The following C11orf71 variants were observed in gnomAD, a reference collection of about 807,000 sequenced individuals.
C11orf71 encodes uncharacterized protein C11orf71.
For synonymous variants in C11orf71, 72 were observed against 73.4 expected (o/e 0.98, Z 0.09); for missense variants, 179 against 167.6 (o/e 1.07, Z -0.38).
chr11:114,395,140 G>C (rs749873058), downstream of C11orf71, among the ~76,000 whole-genome samples: 2 of 152,118 alleles, frequency 1.3e-5, no homozygotes, highest in African/African-American at 2.4e-5. Flanking sequence ...AGCTTCTACA[G>C]AGGAGAGATA....
intron 1 of C11orf71, among the ~76,000 whole-genome samples, chr11:114,391,961 C>A (rs1376316312): frequency 6.6e-6 from 1 of 150,978 alleles, no homozygotes; most frequent in Non-Finnish European, 1.5e-5. Flanking sequence ...CCAAATTCAG[C>A]ACAACGATTA....
chr11:114,396,218 A>C (rs778630096), downstream of C11orf71, among the ~76,000 whole-genome samples: 9 of 152,284 alleles, frequency 5.9e-5, no homozygotes, highest in Non-Finnish European at 1.3e-4. Flanking sequence ...AGGCAGTAGT[A>C]TGCAAAGATT....
chr11:114,391,525 T>C, exon 2 of C11orf71: 1 of 1,202,738 alleles, frequency 8.3e-7, no homozygotes, highest in Non-Finnish European at 1.1e-6. Flanking sequence ...ATCCAATTTT[T>C]ATCTTAAATA....
At chr11:114,394,257 CTTTTCTTTTCTT>C (rs1565256652), downstream of C11orf71, among the ~76,000 whole-genome samples, 15 of 65,472 alleles carry the variant, frequency 2.3e-4, no homozygotes, top group East Asian at 1.6e-3. Flanking sequence ...CTTTTCTTTT[CTTTTCTTTTCTT>C]TTCTTTTCTT....
Position 114,399,958 on chromosome 11 carries a change from G to T in C11orf71, c.*2C>A, listed in dbSNP as rs370543259. 1 of 1,593,110 alleles carries T rather than the reference G, an allele frequency of 6.3e-7. No homozygotes were observed. Among genetic ancestry groups the T allele is most frequent in the Admixed American group, 1.7e-5 (1 of 58,884 alleles). ...AGTGAGGGCCAGAGGAAAGGTGTTC[G>T]TTTAAACTGAAATTCGAGCTGCGAT... On this transcript the variant is annotated 3_prime_UTR_variant, in exon 1 of 1. Coordinates refer to ENST00000623205, the MANE Select transcript of C11orf71 (RefSeq NM_001271562.2).
chr11:114,398,980 G>C lies in C11orf71; in HGVS notation c.*980C>G, dbSNP rs1354193116. On this transcript the variant is annotated 3_prime_UTR_variant, in exon 1 of 1. Transcript: ENST00000623205. ...AACATTGGGAAATGTATGGTTAAGA[G>C]AACAAAAATAACAGCAAATAAGGAG... 7.0e-6 allele frequency: 1 copy of C among 142,430 alleles called. No individual in the cohort carries two copies. Among genetic ancestry groups the C allele is most frequent in the Admixed American group, 7.2e-5 (1 of 13,814 alleles). 8.8% of individuals were successfully genotyped at this position (142,430 alleles called of 1,614,324 possible).
In C11orf71 at chr11:114,400,466, A is replaced by T. The variant is rs1565258924; in HGVS notation, c.-135T>A. 1 of 1,322,602 alleles carries T rather than the reference A, an allele frequency of 7.6e-7. No individual in the cohort carries two copies. 81.9% of individuals were successfully genotyped at this position (1,322,602 alleles called of 1,614,324 possible). The stretch of plus-strand genomic sequence containing the variant: ...GAACCCATAACTGAGCCTGCGGAAG[A>T]GCCAGAAGCCGCCTTGCCTTTAACG... On this transcript the variant is annotated 5_prime_UTR_variant, in exon 1 of 1. Transcript: ENST00000623205.
chr11:114,395,868 G>A (rs527879443), downstream of C11orf71, among the ~76,000 whole-genome samples: 43 of 152,290 alleles, frequency 2.8e-4, no homozygotes, highest in African/African-American at 1.0e-3. Flanking sequence ...TATCAAACCA[G>A]GAGTGAGAAA....
At position 114,400,473 on chromosome 11, in the gene C11orf71, A is replaced by G; in HGVS notation, c.-142T>C. On this transcript the variant is annotated 5_prime_UTR_variant, in exon 1 of 1. Coordinates refer to ENST00000623205, the MANE Select transcript of C11orf71 (RefSeq NM_001271562.2). ...TAACTGAGCCTGCGGAAGAGCCAGA[A>G]GCCGCCTTGCCTTTAACGAGGGGTA... The G allele has an allele frequency of 2.3e-6, 3 of 1,313,328 alleles. No homozygotes were observed. The South Asian group carries it at 4.6e-5, about 20-fold the overall frequency. The allele number at this position is 1,313,328 out of a possible 1,614,324, so 81.4% of individuals were successfully genotyped here.
At chr11:114,394,189 T>G (rs535138619), downstream of C11orf71, among the ~76,000 whole-genome samples, 18 of 43,714 alleles carry the variant, frequency 4.1e-4, no homozygotes, top group East Asian at 3.4e-3. Flanking sequence ...GTTTCTTTTC[T>G]TTTCTTTTCT....
chr11:114,395,299 C>A (rs938234459), downstream of C11orf71, among the ~76,000 whole-genome samples: 1 of 152,118 alleles, frequency 6.6e-6, no homozygotes, highest in African/African-American at 2.4e-5. Context: ...TAAGTGTGTT[C>A]TTTGAATGTA....
downstream of C11orf71, among the ~76,000 whole-genome samples, chr11:114,394,193 CTTTTCTTTTCTTTTCTTTTCTTTTCT>C (rs1946097968): frequency 2.0e-5 from 1 of 48,786 alleles, no homozygotes; most frequent in Non-Finnish European, 3.9e-5. Context: ...CTTTTCTTTT[CTTTTCTTTTCTTTTCTTTTCTTTTCT>C]TTTCTTTTCT....
At chr11:114,394,266 TC>T (rs1157080805), downstream of C11orf71, among the ~76,000 whole-genome samples, 3 of 77,756 alleles carry the variant, frequency 3.9e-5, no homozygotes, top group African/African-American at 2.7e-4. Context: ...TCTTTTCTTT[TC>T]TTTTCTTTTC....
chr11:114,400,497 T>A lies in C11orf71; in HGVS notation c.-166A>T. 7.9e-7 allele frequency: 1 copy of A among 1,266,534 alleles called. No individual in the cohort carries two copies. The allele number at this position is 1,266,534 out of a possible 1,614,324, so 78.5% of individuals were successfully genotyped here. A position where few individuals can be genotyped will look rare whatever the true frequency, so the allele number is the denominator to read the frequency against. ...AAGCCGCCTTGCCTTTAACGAGGGG[T>A]ATCCTGGCGAGCATGCGCAGACCGT... On this transcript the variant is annotated 5_prime_UTR_variant, in exon 1 of 1. Transcript: ENST00000623205.
chr11:114,394,257 CTTTTCTTTTCT>C (rs1565256652), downstream of C11orf71, among the ~76,000 whole-genome samples: 312 of 65,342 alleles, frequency 4.8e-3, no homozygotes, highest in Middle Eastern at 0.013. Flanking sequence ...CTTTTCTTTT[CTTTTCTTTTCT>C]TTTCTTTTCT....
At chr11:114,394,228 C>CTTTTCTTTCCTTTTCTTTTCT, downstream of C11orf71, among the ~76,000 whole-genome samples, 1 of 48,704 alleles carries the variant, frequency 2.1e-5, no homozygotes, top group Non-Finnish European at 3.6e-5. Context: ...CTTTTCTTTT[C>CTTTTCTTTCCTTTTCTTTTCT]TTTCTTTTCT....
chr11:114,394,179 GTTTCTTTTCTTTTCTTTTCTTTTCT>G (rs1226365240), downstream of C11orf71, among the ~76,000 whole-genome samples: 8 of 80,282 alleles, frequency 1.0e-4, no homozygotes, highest in South Asian at 5.0e-4. Flanking sequence ...ACGGGGTTTC[GTTTCTTTTCTTTTCTTTTCTTTTCT>G]TTTCTTTTCT....
At chr11:114,397,092 T>C (rs1946135932), downstream of C11orf71, among the ~76,000 whole-genome samples, 1 of 152,174 alleles carries the variant, frequency 6.6e-6, no homozygotes, top group Non-Finnish European at 1.5e-5. Flanking sequence ...AAATATCTTA[T>C]TAGGGCCCCA....
At chr11:114,397,456 G>A (rs140410332), downstream of C11orf71, among the ~76,000 whole-genome samples, 5 of 152,312 alleles carry the variant, frequency 3.3e-5, no homozygotes, top group Non-Finnish European at 1.5e-5. Context: ...TACTGCAGAT[G>A]TTAAGAACAA....
Sources: allele counts gnomAD v4.1 joint callset (sites outside exome capture counted in the v4.1 genomes callset), GRCh38; gene constraint gnomAD v4.1.1; transcripts MANE v1.5; gene names NCBI Gene and HGNC (gene_info 2026-07-23, HGNC 2026-07-21).